SP140L: variants seen among roughly 807,000 people sequenced by gnomAD.
SP140L encodes SP140 like nuclear body protein.
In SP140L, 64 loss-of-function variants were observed where a neutral mutation model predicts 84.3. The observed-to-expected ratio is 0.76, with a 90% confidence interval of 0.62 to 0.94. The LOEUF is 0.94. Among genes scored for constraint, SP140L ranks in the 40% least tolerant of loss-of-function variants. SP140L has a pLI of 0.00. For missense variants in SP140L, 628 were observed against 692.5 expected (o/e 0.91, Z 1.05); for synonymous variants, 242 against 236.9 (o/e 1.02, Z -0.20).
chr2:230,349,852 T>A (rs981168913), intron 2 of SP140L, among the ~76,000 whole-genome samples: 1 of 151,924 alleles, frequency 6.6e-6, no homozygotes, highest in Non-Finnish European at 1.5e-5. Flanking sequence ...CTACTAAAAG[T>A]ACAAAAATTA....
chr2:230,330,647 T>TTC (rs2059700891), intron 2 of SP140L, among the ~76,000 whole-genome samples: 1 of 152,230 alleles, frequency 6.6e-6, no homozygotes, highest in Non-Finnish European at 1.5e-5. Context: ...AAATGTATTT[T>TTC]TCTCTCTGAA....
chr2:230,347,903 G>A (rs2060256132), intron 2 of SP140L, among the ~76,000 whole-genome samples: 3 of 152,206 alleles, frequency 2.0e-5, no homozygotes, highest in African/African-American at 7.2e-5. Context: ...CTGATGGCAG[G>A]AACACAGTAC....
chr2:230,385,302 G>C lies in SP140L; in HGVS notation c.782G>C (p.Arg261Thr), dbSNP rs769972767. 10 of 1,613,446 alleles carry C rather than the reference G, an allele frequency of 6.2e-6. No individual in the cohort carries two copies. The highest frequency in any genetic ancestry group is 3.3e-4 in the Middle Eastern group (2 of 6,076). The change falls in exon 9 of 19, where the codon AGG becomes ACG. Residue 261 changes from arginine to threonine, a missense_variant and splice_region_variant. Arg to Thr is a moderately conservative substitution (Grantham distance 71). Coordinates refer to ENST00000415673, the MANE Select transcript of SP140L (RefSeq NM_138402.6). ...NMNLKDLSKI[R>T]GRKRGKPGTH... ...AATCTGAAAGACCTTTCCAAGATTA[G>C]GGGTAAGATAAAGTTGGTACCACTT...
intron 7 of SP140L, among the ~76,000 whole-genome samples, chr2:230,375,045 G>A (rs1341887750): frequency 2.6e-5 from 4 of 151,902 alleles, no homozygotes; most frequent in Admixed American, 6.6e-5. Flanking sequence ...TGGTTTCCAG[G>A]TTTTGTGTAC....
chr2:230,392,328 A>G, intron 12 of SP140L, 99 bp downstream of exon 12: 2 of 1,550,650 alleles, frequency 1.3e-6, no homozygotes, highest in South Asian at 2.4e-5. Flanking sequence ...GTTATAGCTA[A>G]AGCCTTGATG....
At chr2:230,333,110 G>T (rs2059770927) in intron 2 of SP140L, among the ~76,000 whole-genome samples, 1 of 151,606 alleles carries the variant, frequency 6.6e-6, no homozygotes, top group African/African-American at 2.4e-5. Context: ...AATTAATTTG[G>T]TTAACTGCCT....
intron 2 of SP140L, among the ~76,000 whole-genome samples, chr2:230,332,948 A>G (rs1218636020): frequency 1.3e-5 from 2 of 152,072 alleles, no homozygotes; most frequent in Admixed American, 6.6e-5. Flanking sequence ...TTGCTTTACT[A>G]TCTCATTTTG....
intron 2 of SP140L, among the ~76,000 whole-genome samples, chr2:230,354,830 A>AAAGAAAGAAAG: frequency 2.4e-5 from 3 of 126,060 alleles, no homozygotes; most frequent in Admixed American, 9.4e-5. Context: ...AGAAAGAAAG[A>AAAGAAAGAAAG]GACAAGAAAG....
chr2:230,357,683 G>A (rs2060589036), intron 2 of SP140L, 122 bp from the exon 3 acceptor site: 4 of 940,176 alleles, frequency 4.3e-6, no homozygotes, highest in African/African-American at 3.3e-5. Context: ...GCTCTACTGA[G>A]GACCACCTAT....
chr2:230,341,482 T>C (rs1016036146), intron 2 of SP140L, among the ~76,000 whole-genome samples: 5 of 147,918 alleles, frequency 3.4e-5, no homozygotes, highest in African/African-American at 1.3e-4. Flanking sequence ...GAAGCCTTCT[T>C]CTCTCAGCTC....
intron 2 of SP140L, among the ~76,000 whole-genome samples, chr2:230,350,916 A>AAG (rs1168716828): frequency 2.0e-5 from 3 of 152,214 alleles, no homozygotes; most frequent in Non-Finnish European, 4.4e-5. Context: ...CCCTAAGGCT[A>AAG]GAGTATGTCT....
At chr2:230,386,647 G>T (rs1396771109) in intron 9 of SP140L, among the ~76,000 whole-genome samples, 1 of 152,154 alleles carries the variant, frequency 6.6e-6, no homozygotes, top group African/African-American at 2.4e-5. Context: ...TTATGAATTT[G>T]CTGGATTTAA....
At chr2:230,353,503 C>T (rs1229621463) in intron 2 of SP140L, among the ~76,000 whole-genome samples, 2 of 151,912 alleles carry the variant, frequency 1.3e-5, no homozygotes, top group Non-Finnish European at 2.9e-5. Context: ...AACATTTGTC[C>T]TATTATTTGT....
chr2:230,355,039 A>G (rs1361361027), intron 2 of SP140L, among the ~76,000 whole-genome samples: 2 of 152,142 alleles, frequency 1.3e-5, no homozygotes, highest in African/African-American at 4.8e-5. Context: ...TTTCCCTAAA[A>G]TTGGAAATAA....
chr2:230,353,022 T>A (rs1190433726), intron 2 of SP140L, among the ~76,000 whole-genome samples: 1 of 152,098 alleles, frequency 6.6e-6, no homozygotes, highest in Admixed American at 6.6e-5. Flanking sequence ...AAAATAGCTG[T>A]TAGGACTTAT....
At chr2:230,371,073 A>T (rs1311380913) in intron 6 of SP140L, 106 bp downstream of exon 6, 1 of 966,212 alleles carries the variant, frequency 1.0e-6, no homozygotes, top group East Asian at 2.6e-5. Context: ...TGTTCTGTGC[A>T]TTTGCCTCAC....
At chr2:230,351,397 T>A (rs1209733662) in intron 2 of SP140L, among the ~76,000 whole-genome samples, 1 of 152,062 alleles carries the variant, frequency 6.6e-6, no homozygotes, top group Non-Finnish European at 1.5e-5. Flanking sequence ...TTATTTAAGC[T>A]GCCTGTTCAG....
rs143011381 is a variant in SP140L at position 230,393,965 on chromosome 2, T to C, written c.1155+504T>C. 2.0e-3 allele frequency among the ~76,000 whole-genome samples: 299 copies of C among 152,306 alleles called. 1 individual carries two copies. The highest frequency in any genetic ancestry group is 6.7e-3 in the African/African-American group (279 of 41,572). ...CATGAAATAGGTAATAAAAATAATA[T>C]TTCTTTTCTGATCTTTCACATCCTC... On this transcript the variant is annotated intron_variant, in intron 13 of 18. Transcript: ENST00000415673.
intron 2 of SP140L, among the ~76,000 whole-genome samples, chr2:230,333,689 G>A (rs2059788581): frequency 1.3e-5 from 2 of 151,054 alleles, no homozygotes. Context: ...TTATCTCTCT[G>A]TTTTATGTTT....
Sources: allele counts gnomAD v4.1 joint callset (sites outside exome capture counted in the v4.1 genomes callset), GRCh38; gene constraint gnomAD v4.1.1; transcripts MANE v1.5; gene names NCBI Gene and HGNC (gene_info 2026-07-23, HGNC 2026-07-21).